The following FER variants were observed in gnomAD, a reference collection of about 807,000 sequenced individuals.
The protein encoded by FER is FER tyrosine kinase, also known as tyrosine-protein kinase Fer.
Under a neutral mutation model 111.0 loss-of-function variants are expected in FER, and 63 were observed. The observed-to-expected ratio is 0.57, with a 90% CI of 0.46 to 0.70. FER has a LOEUF of 0.70. Among genes scored for constraint, FER ranks in the 30% least tolerant of loss-of-function variants. The pLI is 0.00. For missense variants in FER, 914 were observed against 954.0 expected (o/e 0.96, Z 0.55); for synonymous variants, 327 against 313.9 (o/e 1.04, Z -0.44).
intron 18 of FER, among the ~76,000 whole-genome samples, chr5:109,185,264 A>C (rs1582443349): frequency 6.6e-6 from 1 of 152,356 alleles, no homozygotes; most frequent in South Asian, 2.1e-4. Flanking sequence ...GTATTTCAAC[A>C]AAACAAGGCA....
At chr5:108,859,778 T>C (rs569435595) in intron 5 of FER, among the ~76,000 whole-genome samples, 20 of 152,238 alleles carry the variant, frequency 1.3e-4, no homozygotes, top group African/African-American at 4.8e-4. Flanking sequence ...AAAGGTGTTT[T>C]ATATTGAATT....
intron 8 of FER, among the ~76,000 whole-genome samples, chr5:108,875,259 A>C (rs930697150): frequency 6.6e-6 from 1 of 152,072 alleles, no homozygotes; most frequent in Non-Finnish European, 1.5e-5. Context: ...CTAGTACTGG[A>C]CACCTGAAGC....
At chr5:109,044,573 T>C (rs550060766) in intron 14 of FER, 107 bp from the exon 15 acceptor site, 56 of 576,268 alleles carry the variant, frequency 9.7e-5, no homozygotes, top group African/African-American at 8.2e-4. Context: ...ACTGGTGATA[T>C]TGACATGTAG....
At chr5:109,149,976 C>T (rs1754643239) in intron 17 of FER, among the ~76,000 whole-genome samples, 1 of 152,088 alleles carries the variant, frequency 6.6e-6, no homozygotes, top group Non-Finnish European at 1.5e-5. Flanking sequence ...GGAGTGTGAA[C>T]CCTATTGTGA....
intron 2 of FER, among the ~76,000 whole-genome samples, chr5:108,786,517 T>C (rs1754732992): frequency 6.6e-6 from 1 of 152,218 alleles, no homozygotes; most frequent in Non-Finnish European, 1.5e-5. Flanking sequence ...TTTTCTTTTT[T>C]TGAGACGGAG....
At chr5:109,145,197 G>A (rs915600314) in intron 17 of FER, among the ~76,000 whole-genome samples, 4 of 151,866 alleles carry the variant, frequency 2.6e-5, no homozygotes, top group African/African-American at 9.7e-5. Flanking sequence ...CTCCAATGTT[G>A]CACATGCATA....
At chr5:108,894,783 A>G (rs1003715105) in intron 9 of FER, among the ~76,000 whole-genome samples, 10 of 152,182 alleles carry the variant, frequency 6.6e-5, no homozygotes, top group Non-Finnish European at 1.5e-4. Flanking sequence ...CAGGCAAGAG[A>G]GAGAGCATGT....
chr5:108,878,127 G>T (rs1349497449), intron 8 of FER, among the ~76,000 whole-genome samples: 3 of 151,814 alleles, frequency 2.0e-5, no homozygotes, highest in African/African-American at 7.3e-5. Flanking sequence ...GGCTGGTCTC[G>T]AACTCCTGAC....
At chr5:109,031,622 G>A (rs1003921569) in intron 13 of FER, among the ~76,000 whole-genome samples, 2 of 152,094 alleles carry the variant, frequency 1.3e-5, no homozygotes, top group Admixed American at 1.3e-4. Flanking sequence ...GTTTTTCACT[G>A]AACATTACTC....
At chr5:109,173,315 A>C (rs1208143102) in intron 17 of FER, among the ~76,000 whole-genome samples, 1 of 152,146 alleles carries the variant, frequency 6.6e-6, no homozygotes, top group Non-Finnish European at 1.5e-5. Flanking sequence ...TTAGGCAGCA[A>C]CCTCATTGAA....
intron 18 of FER, among the ~76,000 whole-genome samples, chr5:109,182,317 C>T (rs1758369739): frequency 6.6e-6 from 1 of 152,098 alleles, no homozygotes; most frequent in Non-Finnish European, 1.5e-5. Flanking sequence ...TAACCCTCAC[C>T]CTTAGTTTGT....
At chr5:108,902,550 A>T (rs185680617) in intron 10 of FER, among the ~76,000 whole-genome samples, 1 of 152,314 alleles carries the variant, frequency 6.6e-6, no homozygotes, top group East Asian at 1.9e-4. Flanking sequence ...GGGAAATAGT[A>T]TATGGGATGC....
chr5:108,758,856 A>G (rs1224714154), intron 1 of FER, among the ~76,000 whole-genome samples: 2 of 152,158 alleles, frequency 1.3e-5, no homozygotes, highest in African/African-American at 4.8e-5. Context: ...AGCAAAACGC[A>G]TTTACTATAG....
At chr5:108,809,490 T>G (rs2150072979) in intron 3 of FER, among the ~76,000 whole-genome samples, 1 of 152,366 alleles carries the variant, frequency 6.6e-6, no homozygotes, top group South Asian at 2.1e-4. Context: ...AGTTTCTTTG[T>G]ATTGAATTTC....
chr5:109,091,473 C>T (rs1482567329), intron 16 of FER, among the ~76,000 whole-genome samples: 3 of 152,184 alleles, frequency 2.0e-5, no homozygotes, highest in Non-Finnish European at 4.4e-5. Flanking sequence ...TCCACGGAGA[C>T]CCTCAGAGCC....
intron 17 of FER, among the ~76,000 whole-genome samples, chr5:109,146,253 A>ATAT (rs1491409370): frequency 2.1e-4 from 9 of 42,130 alleles, no homozygotes; most frequent in African/African-American, 7.2e-4. Context: ...TAATCTATCT[A>ATAT]ATATATATAT....
At chr5:109,122,934 T>G (rs1478612699) in intron 17 of FER, among the ~76,000 whole-genome samples, 1 of 152,184 alleles carries the variant, frequency 6.6e-6, no homozygotes, top group African/African-American at 2.4e-5. Context: ...TTTCATCCTT[T>G]TATTTTCAGG....
intron 16 of FER, among the ~76,000 whole-genome samples, chr5:109,087,736 A>G (rs12152811): frequency 0.06 from 9,015 of 151,468 alleles, 655 homozygotes; most frequent in African/African-American, 0.17. Flanking sequence ...TTTTGCCTCA[A>G]TGTATGGACT....
At position 109,000,097 on chromosome 5, in the gene FER, G is replaced by A. The variant is rs543903181; in HGVS notation, c.1657-37325G>A. 5.9e-5 allele frequency among the ~76,000 whole-genome samples: 9 copies of A among 151,546 alleles called. No individual in the cohort carries two copies. In the South Asian group the frequency reaches 1.7e-3, roughly 28 times the overall value. On this transcript the variant is annotated intron_variant, in intron 13 of 19. Transcript: ENST00000281092. Reference sequence around the variant, plus strand: ...TTGGACGCTGGCATAGTCTTTTAATGTATATATTTACTGGTTAATGTTGAC... The same window carrying A: ...TTGGACGCTGGCATAGTCTTTTAATATATATATTTACTGGTTAATGTTGAC...
Sources: allele counts gnomAD v4.1 joint callset (sites outside exome capture counted in the v4.1 genomes callset), GRCh38; gene constraint gnomAD v4.1.1; transcripts MANE v1.5; gene names NCBI Gene and HGNC (gene_info 2026-07-23, HGNC 2026-07-21).